Variants in TPPP observed in about 807,000 individuals in gnomAD.
TPPP encodes tubulin polymerization-promoting protein.
A neutral mutation model predicts 15.5 loss-of-function variants in TPPP; 6 were observed. That is an observed-to-expected ratio of 0.39 (90% CI 0.21 to 0.77). TPPP has a LOEUF of 0.77. Among genes scored for constraint, TPPP ranks in the 30% least tolerant of loss-of-function variants. TPPP has a pLI of 0.42. For missense variants in TPPP, 269 were observed against 307.2 expected (o/e 0.88, Z 0.93); for synonymous variants, 146 against 133.9 (o/e 1.09, Z -0.63).
chr5:686,032 G>A (rs1398955727), intron 1 of TPPP, among the ~76,000 whole-genome samples: 4 of 152,208 alleles, frequency 2.6e-5, no homozygotes, highest in African/African-American at 4.8e-5. Flanking sequence ...TGCAAAGGAC[G>A]CTGTGGCGGA....
Position 666,066 on chromosome 5 carries a change from G to T in TPPP, c.369C>A (p.Leu123=). Residue 123 remains leucine (L), a synonymous_variant, in exon 3 of 4, where the codon CTC becomes CTA. Coordinates refer to ENST00000360578, the MANE Select transcript of TPPP (RefSeq NM_007030.3). ...FEQFQEALEE[L]AKKRFKDKSS... is the part of the protein sequence containing the mutation. ...TCTTGTCTTTGAATCGCTTCTTGGC[G>T]AGCTCCTCCAGCGCCTCCTGGAACT... 6.2e-7 allele frequency: 1 copy of T among 1,612,322 alleles called. No homozygotes were observed.
rs1381676900 is a variant in TPPP at position 662,555 on chromosome 5, G to A, written c.*2547C>T. The A allele has an allele frequency of 6.6e-6, 1 of 152,476 alleles. No individual in the cohort carries two copies. The highest frequency in any genetic ancestry group is 1.5e-5 in the Non-Finnish European group (1 of 68,150). The allele number at this position is 152,476 out of a possible 1,614,324, so 9.4% of individuals were successfully genotyped here. ...TGACCCGGCGCCAGGCTCAGCTCCA[G>A]GGCGAGGTCCTCTGGAGTCATGTTC... On this transcript the variant is annotated 3_prime_UTR_variant, in exon 4 of 4. Transcript: ENST00000360578.
Position 663,771 on chromosome 5 carries a change from C to A in TPPP, c.*1331G>T, listed in dbSNP as rs956487231. The A allele has an allele frequency of 1.3e-5, 2 of 152,490 alleles. No homozygotes were observed. Among genetic ancestry groups the A allele is most frequent in the African/African-American group, 4.8e-5 (2 of 41,466 alleles). The allele number at this position is 152,490 out of a possible 1,614,324, so 9.4% of individuals were successfully genotyped here. ...CTAACAGGCTCTGGAAAAGTTTCCC[C>A]AGGACTGCCGCAGGCTCATCCGCAG... is the stretch of plus-strand genomic sequence containing the variant. On this transcript the variant is annotated 3_prime_UTR_variant, in exon 4 of 4. Coordinates refer to ENST00000360578, the MANE Select transcript of TPPP (RefSeq NM_007030.3).
intron 2 of TPPP, among the ~76,000 whole-genome samples, chr5:672,741 C>T (rs576528601): frequency 4.6e-5 from 7 of 152,224 alleles, no homozygotes; most frequent in Non-Finnish European, 1.0e-4. Flanking sequence ...GCCCGTGGTC[C>T]GGTCCCGCCT....
chr5:668,894 C>T lies in TPPP; in HGVS notation c.312-2771G>A, dbSNP rs1045694711. On this transcript the variant is annotated intron_variant, in intron 2 of 3. Transcript: ENST00000360578. ...ACCCAACGCGGTGGGTGCCAAGTGG[C>T]CAGGCTTGGAGCCAGGCACGGAGGT... Among the ~76,000 whole-genome samples the T allele has an allele frequency of 5.3e-5, 8 of 152,162 alleles. No individual in the cohort carries two copies. The South Asian group carries it at 1.5e-3, about 28-fold the overall frequency.
At chr5:697,558 C>A (rs867517186), upstream of TPPP, among the ~76,000 whole-genome samples, 1 of 152,032 alleles carries the variant, frequency 6.6e-6, no homozygotes, top group Non-Finnish European at 1.5e-5. Context: ...CTGGCAAGGG[C>A]AGCCCTGGGT....
intron 2 of TPPP, among the ~76,000 whole-genome samples, chr5:672,737 G>A (rs1740267421): frequency 6.6e-6 from 1 of 152,208 alleles, no homozygotes; most frequent in African/African-American, 2.4e-5. Flanking sequence ...CACCGCCCGT[G>A]GTCCGGTCCC....
intron 2 of TPPP, among the ~76,000 whole-genome samples, chr5:669,489 G>A (rs1740112288): frequency 1.3e-5 from 2 of 152,052 alleles, no homozygotes; most frequent in Admixed American, 6.5e-5. Flanking sequence ...GGGCCCTTGG[G>A]GCCTCTGTCT....
chr5:691,786 ACAGCCCCCAACCCTCATCAAAACAG>A, intron 1 of TPPP, among the ~76,000 whole-genome samples: 1 of 90,478 alleles, frequency 1.1e-5, no homozygotes, highest in African/African-American at 3.9e-5. Flanking sequence ...ACCCATCAAA[ACAGCCCCCAACCCTCATCAAAACAG>A]CAGCCCTCAA....
At chr5:670,240 G>A (rs1740166163) in intron 2 of TPPP, among the ~76,000 whole-genome samples, 1 of 152,174 alleles carries the variant, frequency 6.6e-6, no homozygotes, top group African/African-American at 2.4e-5. Flanking sequence ...TGTGCATCCA[G>A]CACCCTTGTG....
At chr5:673,623 C>T (rs567283446) in intron 2 of TPPP, among the ~76,000 whole-genome samples, 4 of 152,324 alleles carry the variant, frequency 2.6e-5, no homozygotes, top group African/African-American at 7.2e-5. Context: ...CTCAACCCCT[C>T]GCTGGGCTTG....
intron 3 of TPPP, 51 bp downstream of exon 3, chr5:665,919 G>GGCCCCCCCCCCCCCC: frequency 2.9e-5 from 10 of 344,042 alleles, no homozygotes; most frequent in Non-Finnish European, 3.6e-5. Context: ...CACCTTCCAG[G>GGCCCCCCCCCCCCCC]CCCCGCCCCC....
chr5:698,422 A>C, the TPPP span, among the ~76,000 whole-genome samples: 1 of 151,998 alleles, frequency 6.6e-6, no homozygotes, highest in Non-Finnish European at 1.5e-5. Flanking sequence ...AACCCTGAAG[A>C]CTTGTATCAC....
intron 1 of TPPP, among the ~76,000 whole-genome samples, chr5:683,456 C>T (rs1289139134): frequency 6.6e-6 from 1 of 152,200 alleles, no homozygotes; most frequent in Non-Finnish European, 1.5e-5. Flanking sequence ...TGGCAGGAGC[C>T]GATGCTCGTG....
chr5:683,013 G>C (rs1215766769), intron 1 of TPPP, among the ~76,000 whole-genome samples: 1 of 151,424 alleles, frequency 6.6e-6, no homozygotes, highest in Non-Finnish European at 1.5e-5. Context: ...CTCTGTCCTG[G>C]TCACAAGTGT....
intron 2 of TPPP, among the ~76,000 whole-genome samples, chr5:666,488 G>A (rs1488681407): frequency 2.0e-5 from 3 of 152,198 alleles, no homozygotes; most frequent in Non-Finnish European, 4.4e-5. Flanking sequence ...GACCTGCTGG[G>A]GCCCCGGCTC....
At position 660,986 on chromosome 5, in the gene TPPP, T is replaced by C. The variant is rs1739568680; in HGVS notation, c.*4116A>G. The C allele has an allele frequency of 6.6e-6, 1 of 152,264 alleles. No individual in the cohort carries two copies. Among genetic ancestry groups the C allele is most frequent in the Admixed American group, 6.5e-5 (1 of 15,288 alleles). The allele number at this position is 152,264 out of a possible 1,614,324, so 9.4% of individuals were successfully genotyped here. ...GTAAAAGTAGTCCAGTATAAATATA[T>C]ATCTTCTACAATATTTTAAACATAT... is the stretch of plus-strand genomic sequence containing the variant. On this transcript the variant is annotated 3_prime_UTR_variant, in exon 4 of 4. Transcript: ENST00000360578.
upstream of TPPP, among the ~76,000 whole-genome samples, chr5:694,090 A>G (rs399277): frequency 0.76 from 83,624 of 109,432 alleles, 32,948 homozygotes; most frequent in African/African-American, 0.93. Flanking sequence ...GGTCGCCCGT[A>G]TGCAGCGCCA....
intron 2 of TPPP, among the ~76,000 whole-genome samples, chr5:674,703 C>T (rs990043233): frequency 4.6e-5 from 7 of 152,128 alleles, no homozygotes; most frequent in Non-Finnish European, 1.0e-4. Context: ...CCGCATGGCC[C>T]GCTGCTGCAG....
Sources: gnomAD v4.1 joint callset for allele counts (sites outside exome capture counted in the v4.1 genomes callset) on GRCh38, gnomAD v4.1.1 for gene constraint, MANE v1.5 for transcripts, NCBI Gene and HGNC (gene_info 2026-07-23, HGNC 2026-07-21) for gene names.